EPRS1: variants seen among roughly 807,000 people sequenced by gnomAD.
EPRS1 encodes the protein bifunctional glutamate/proline--tRNA ligase.
In EPRS1, 107 loss-of-function variants were observed where a neutral mutation model predicts 188.3. The ratio of observed to expected loss-of-function variants is 0.57; its 90% CI spans 0.49 to 0.67. EPRS1 has a LOEUF of 0.67. EPRS1 is among the 30% of genes least tolerant of loss of function. The pLI is 0.00. For synonymous variants in EPRS1, 596 were observed against 593.1 expected, an observed-to-expected ratio of 1.00 and a Z score of -0.07; for missense variants, 1,577 against 1,802.2, an observed-to-expected ratio of 0.88 and a Z score of 2.26.
intron 28 of EPRS1, among the ~76,000 whole-genome samples, chr1:219,973,951 T>G (rs1025943203): frequency 5.3e-5 from 8 of 152,100 alleles, no homozygotes; most frequent in East Asian, 1.9e-4. Context: ...ATTTGTTTTT[T>G]TTTGTTTGTT....
At chr1:220,002,042 A>G (rs991906196) in intron 16 of EPRS1, among the ~76,000 whole-genome samples, 4 of 151,638 alleles carry the variant, frequency 2.6e-5, no homozygotes, top group Non-Finnish European at 5.9e-5. Context: ...AGAAAAAAAA[A>G]AAATTGGTCA....
intron 5 of EPRS1, among the ~76,000 whole-genome samples, chr1:220,032,081 CTT>C (rs201689235): frequency 6.8e-6 from 1 of 146,566 alleles, no homozygotes; most frequent in Non-Finnish European, 1.5e-5. Context: ...GAAATGTCAT[CTT>C]TTTTTTTTTG....
intron 1 of EPRS1, among the ~76,000 whole-genome samples, chr1:220,045,620 A>C (rs1662386656): frequency 1.3e-5 from 2 of 152,222 alleles, no homozygotes; most frequent in South Asian, 4.1e-4. Flanking sequence ...CATGTCGAAA[A>C]AATAATTCCA....
chr1:220,021,445 T>C (rs896972935), intron 9 of EPRS1, among the ~76,000 whole-genome samples: 1 of 152,016 alleles, frequency 6.6e-6, no homozygotes, highest in African/African-American at 2.4e-5. Context: ...GAGAGCTTCC[T>C]GCCTCAGACT....
chr1:220,012,057 C>T (rs114908084), intron 12 of EPRS1, among the ~76,000 whole-genome samples: 2,954 of 152,100 alleles, frequency 0.019, 87 homozygotes, highest in African/African-American at 0.06. Context: ...AGAATGATAT[C>T]GTGGAAATTC....
chr1:220,010,113 ATTCT>A (rs1661570347), intron 13 of EPRS1, among the ~76,000 whole-genome samples: 1 of 151,388 alleles, frequency 6.6e-6, no homozygotes, highest in Non-Finnish European at 1.5e-5. Flanking sequence ...AAAAAAAAAA[ATTCT>A]ATTCAGAATT....
chr1:219,969,031 A>G (rs1660618105), intron 31 of EPRS1, 27 bp downstream of exon 31: 2 of 1,612,848 alleles, frequency 1.2e-6, no homozygotes, highest in Non-Finnish European at 8.5e-7. Context: ...CAATTTTTCA[A>G]AAGTTTTGCC....
At chr1:219,973,533 A>C (rs1326141549) in intron 28 of EPRS1, 135 bp from the exon 29 acceptor site, 48 of 250,234 alleles carry the variant, frequency 1.9e-4, no homozygotes, top group East Asian at 2.5e-4. Context: ...AAACAAGAGA[A>C]AAAAAAAAAA....
At chr1:220,001,638 G>C (rs1019786416) in intron 16 of EPRS1, among the ~76,000 whole-genome samples, 3 of 152,154 alleles carry the variant, frequency 2.0e-5, no homozygotes, top group African/African-American at 7.2e-5. Context: ...CACCTGTCCA[G>C]TTAATGCTTT....
chr1:220,034,289 A>C (rs1662136916), intron 3 of EPRS1, among the ~76,000 whole-genome samples: 1 of 152,186 alleles, frequency 6.6e-6, no homozygotes, highest in Non-Finnish European at 1.5e-5. Context: ...GTAACTTGCC[A>C]GTATAGGTTT....
chr1:219,981,189 C>T (rs1156709962), intron 24 of EPRS1, among the ~76,000 whole-genome samples, 189 bp downstream of exon 24: 4 of 152,058 alleles, frequency 2.6e-5, no homozygotes, highest in South Asian at 2.1e-4. Flanking sequence ...TGAGCTGCCA[C>T]GCCCAGCCAC....
At chr1:219,998,636 G>A (rs965158485) in intron 17 of EPRS1, among the ~76,000 whole-genome samples, 6 of 148,684 alleles carry the variant, frequency 4.0e-5, no homozygotes, top group African/African-American at 7.5e-5. Context: ...TCCGCCTCCC[G>A]GGTTCAAGTG....
chr1:219,989,391 C>G (rs1412905309), intron 18 of EPRS1, among the ~76,000 whole-genome samples: 1 of 144,532 alleles, frequency 6.9e-6, no homozygotes, highest in Non-Finnish European at 1.5e-5. Context: ...TATACTCAGC[C>G]CCACCGAGAC....
intron 30 of EPRS1, among the ~76,000 whole-genome samples, chr1:219,969,690 C>T (rs954694710): frequency 6.7e-6 from 1 of 150,252 alleles, no homozygotes; most frequent in Non-Finnish European, 1.5e-5. Context: ...CATTCTTAGA[C>T]TACATAAAAC....
At chr1:220,034,867 A>C (rs1331989782) in intron 3 of EPRS1, 47 bp downstream of exon 3, 6 of 1,053,822 alleles carry the variant, frequency 5.7e-6, no homozygotes, top group African/African-American at 1.6e-5. Flanking sequence ...CCATAAAAAA[A>C]CAGAAGCATA....
intron 17 of EPRS1, among the ~76,000 whole-genome samples, chr1:219,999,791 T>G (rs914304446): frequency 7.9e-5 from 12 of 152,192 alleles, no homozygotes; most frequent in African/African-American, 2.9e-4. Context: ...CTGGCCAACA[T>G]GGCGAAACCC....
At chr1:219,989,217 A>T (rs912481630) in intron 18 of EPRS1, among the ~76,000 whole-genome samples, 2 of 152,132 alleles carry the variant, frequency 1.3e-5, no homozygotes, top group Non-Finnish European at 2.9e-5. Context: ...ATTAAACAGA[A>T]ATTAAATACA....
chr1:220,006,392 T>C (rs1455660316), intron 14 of EPRS1, 79 bp from the exon 15 acceptor site: 1 of 391,866 alleles, frequency 2.6e-6, no homozygotes. Flanking sequence ...TATAATAATT[T>C]TATATTATTA....
rs759404631 is a variant in EPRS1 at position 219,980,872 on chromosome 1, A to G, written c.3454-15T>C. On this transcript the variant is annotated splice_polypyrimidine_tract_variant and intron_variant, in intron 24 of 31. Coordinates refer to ENST00000366923, the MANE Select transcript of EPRS1 (RefSeq NM_004446.3). ...AATTCCCAACGCTGGAAGAGGCAAG[A>G]AAACAATTTAGTCATTATAAAGAGC... 31 of 1,572,462 alleles carry G rather than the reference A, an allele frequency of 2.0e-5. No homozygotes were observed. Among genetic ancestry groups the G allele is most frequent in the Non-Finnish European group, 2.6e-5 (30 of 1,146,322 alleles).
Sources: gnomAD v4.1 joint callset for allele counts (sites outside exome capture counted in the v4.1 genomes callset) on GRCh38, gnomAD v4.1.1 for gene constraint, MANE v1.5 for transcripts, NCBI Gene and HGNC (gene_info 2026-07-23, HGNC 2026-07-21) for gene names.